ERCC6: variants seen among roughly 807,000 people sequenced by gnomAD.
The protein encoded by ERCC6 is DNA excision repair protein ERCC-6.
A neutral mutation model predicts 158.7 loss-of-function variants in ERCC6; 116 were observed. That is an observed-to-expected ratio of 0.73 (90% confidence interval 0.63 to 0.85). ERCC6 has a LOEUF of 0.85. Among genes scored for constraint, ERCC6 ranks in the 40% least tolerant of loss-of-function variants. ERCC6 has a pLI of 0.00. For synonymous variants in ERCC6, 678 were observed against 659.3 expected (o/e 1.03, Z -0.43); for missense variants, 1,698 against 1,799.4 (o/e 0.94, Z 1.02).
chr10:49,535,826 G>A (rs1040559391), intron 1 of ERCC6, among the ~76,000 whole-genome samples: 25 of 151,172 alleles, frequency 1.7e-4, no homozygotes, highest in African/African-American at 5.1e-4. Flanking sequence ...CATTTACCTT[G>A]GTAAAAGAAG....
chr10:49,493,557 C>A (rs933016261), intron 7 of ERCC6, among the ~76,000 whole-genome samples: 2 of 152,138 alleles, frequency 1.3e-5, no homozygotes, highest in African/African-American at 4.8e-5. Flanking sequence ...AACAAAAATA[C>A]TCTTTTCCCT....
intron 5 of ERCC6, chr10:49,515,227 C>T (rs1340820795): frequency 5.0e-6 from 7 of 1,386,908 alleles, no homozygotes; most frequent in Admixed American, 2.8e-5. Context: ...TTATTATGTT[C>T]CATTGTTATG....
chr10:49,518,605 T>TA (rs1165889059), intron 5 of ERCC6, among the ~76,000 whole-genome samples: 5 of 152,132 alleles, frequency 3.3e-5, no homozygotes, highest in African/African-American at 1.2e-4. Context: ...GCTCAGGCCC[T>TA]AAAGGCTGCA....
chr10:49,441,794 CT>C, the ERCC6 span, among the ~76,000 whole-genome samples: 2 of 152,244 alleles, frequency 1.3e-5, no homozygotes, highest in Admixed American at 6.5e-5. Context: ...TTACACCGCG[CT>C]TTGTTTTGGT....
intron 8 of ERCC6, among the ~76,000 whole-genome samples, chr10:49,489,858 C>T (rs893512256): frequency 6.6e-6 from 1 of 152,272 alleles, no homozygotes. Flanking sequence ...TCATTTACTA[C>T]ATTTTCTTTC....
chr10:49,435,321 T>C, the ERCC6 span, among the ~76,000 whole-genome samples: 1 of 152,202 alleles, frequency 6.6e-6, no homozygotes, highest in African/African-American at 2.4e-5. Flanking sequence ...AAATAAAGAT[T>C]AGCAAGGACA....
At chr10:49,513,445 T>A (rs942530833) in intron 5 of ERCC6, among the ~76,000 whole-genome samples, 1 of 152,222 alleles carries the variant, frequency 6.6e-6, no homozygotes, top group Non-Finnish European at 1.5e-5. Context: ...ATTCATTTAA[T>A]CTTTACAACC....
chr10:49,492,174 C>T (rs940240291), intron 8 of ERCC6, among the ~76,000 whole-genome samples: 1 of 152,150 alleles, frequency 6.6e-6, no homozygotes, highest in Non-Finnish European at 1.5e-5. Flanking sequence ...CAAAAGTTTG[C>T]TTTTCCATGA....
In ERCC6 at chr10:49,526,115, TTTTATATATATATATATATATA is replaced by T. The variant is rs1460792145; in HGVS notation, c.653-1360_653-1339del. On this transcript the variant is annotated intron_variant, in intron 4 of 20. Coordinates refer to ENST00000355832, the MANE Select transcript of ERCC6 (RefSeq NM_000124.4). ...TTTATATATTTATATATTTATATAT[TTTTATATATATATATATATATA>T]TATATATATATATATATATATATAT... is the stretch of plus-strand genomic sequence containing the variant. Among the ~76,000 whole-genome samples, 34 of 105,436 alleles carry T rather than the reference TTTTATATATATATATATATATA, an allele frequency of 3.2e-4. 1 individual carries two copies. Among genetic ancestry groups the T allele is most frequent in the African/African-American group, 1.4e-3 (34 of 24,484 alleles). 69.2% of individuals were successfully genotyped at this position (105,436 alleles called of 152,430 possible).
At chr10:49,537,112 G>A (rs928452119) in intron 1 of ERCC6, among the ~76,000 whole-genome samples, 3 of 152,150 alleles carry the variant, frequency 2.0e-5, no homozygotes, top group South Asian at 4.1e-4. Context: ...TTGGGAGGCC[G>A]AGGCGGGAGG....
intron 8 of ERCC6, among the ~76,000 whole-genome samples, chr10:49,490,841 A>AAAT (rs1851162753): frequency 6.6e-6 from 1 of 152,232 alleles, no homozygotes; most frequent in Non-Finnish European, 1.5e-5. Flanking sequence ...TACCATTATT[A>AAAT]AATTCAGACA....
At chr10:49,445,482 T>C in the ERCC6 span, among the ~76,000 whole-genome samples, 8 of 152,242 alleles carry the variant, frequency 5.3e-5, no homozygotes, top group Non-Finnish European at 1.0e-4. Context: ...CCAGCAGTAA[T>C]AAAAATAAGA....
rs770553083 is a variant in ERCC6, at chr10:49,483,331, T to A, written c.1992+15A>T. On this transcript the variant is annotated intron_variant, in intron 9 of 20. Transcript: ENST00000355832. ...TTCTCCACTTGGAAATCTCCCTTGT[T>A]AAAAGAGGTCATACCTGTTTGCAAG... The A allele has an allele frequency of 5.6e-6, 9 of 1,613,754 alleles. No homozygotes were observed. In the African/African-American group the frequency reaches 1.2e-4, roughly 22 times the overall value.
chr10:49,516,876 T>C, intron 5 of ERCC6: 1 of 1,614,174 alleles, frequency 6.2e-7, no homozygotes, highest in East Asian at 2.2e-5. Context: ...TTTAGGTGCG[T>C]ATGAGGGATC....
chr10:49,452,743 T>C (rs1174287021), downstream of ERCC6, among the ~76,000 whole-genome samples: 4 of 152,142 alleles, frequency 2.6e-5, no homozygotes. Flanking sequence ...TTCTGTGTTT[T>C]GATACTGTTA....
intron 8 of ERCC6, chr10:49,488,245 CA>C: frequency 4.9e-6 from 1 of 202,676 alleles, no homozygotes; most frequent in Non-Finnish European, 1.1e-5. Flanking sequence ...TCCTAGAGGG[CA>C]AACAGTGGAC....
chr10:49,516,126 G>GA, intron 5 of ERCC6: 1 of 1,614,100 alleles, frequency 6.2e-7, no homozygotes, highest in Non-Finnish European at 8.5e-7. Flanking sequence ...AAGGACAAGT[G>GA]ACGCACCGAC....
intron 5 of ERCC6, among the ~76,000 whole-genome samples, chr10:49,518,749 T>C (rs1429196075): frequency 1.3e-5 from 2 of 152,252 alleles, no homozygotes; most frequent in East Asian, 1.9e-4. Flanking sequence ...CAGGGTTCAA[T>C]GGGGCCCTGG....
chr10:49,491,888 A>G lies in ERCC6; in HGVS notation c.1821+1229T>C, dbSNP rs548966675. On this transcript the variant is annotated intron_variant, in intron 8 of 20. Transcript: ENST00000355832. ...ATGAAAAAGGAACCACAAATGTTTT[A>G]CAAGGGTAGTGACAGGATAGTTTAA... is the stretch of plus-strand genomic sequence containing the variant. Among the ~76,000 whole-genome samples the G allele has an allele frequency of 2.0e-5, 3 of 152,386 alleles. No individual in the cohort carries two copies. In the South Asian group the frequency reaches 6.2e-4, roughly 32 times the overall value.
Sources: allele counts gnomAD v4.1 joint callset (sites outside exome capture counted in the v4.1 genomes callset), GRCh38; gene constraint gnomAD v4.1.1; transcripts MANE v1.5; gene names NCBI Gene and HGNC (gene_info 2026-07-23, HGNC 2026-07-21).